Variants in SMCO4 observed in about 807,000 individuals in gnomAD.
SMCO4 encodes single-pass membrane protein with coiled-coil domains 4.
A neutral mutation model predicts 3.6 loss-of-function variants in SMCO4; 4 were observed. That is an observed-to-expected ratio of 1.11 (90% CI 0.54 to 2.53). SMCO4 has a LOEUF of 2.53. Among genes scored for constraint, SMCO4 ranks in the 30% most tolerant of loss-of-function variants. SMCO4 has a pLI of 0.02. For missense variants in SMCO4, 70 were observed against 80.8 expected, an observed-to-expected ratio of 0.87 and a Z score of 0.51; for synonymous variants, 36 against 35.3, an observed-to-expected ratio of 1.02 and a Z score of -0.07.
intron 1 of SMCO4, among the ~76,000 whole-genome samples, chr11:93,531,191 T>C (rs1024970634): frequency 1.3e-5 from 2 of 152,236 alleles, no homozygotes; most frequent in African/African-American, 4.8e-5. Flanking sequence ...AATGAAGATC[T>C]GAACAGAACA....
chr11:93,541,197 A>G (rs1453042977), intron 1 of SMCO4, among the ~76,000 whole-genome samples: 1 of 152,208 alleles, frequency 6.6e-6, no homozygotes, highest in Non-Finnish European at 1.5e-5. Flanking sequence ...CAGCACCCAA[A>G]ATGTCAAGGC....
At chr11:93,505,051 G>A (rs144219659) in intron 1 of SMCO4, among the ~76,000 whole-genome samples, 75 of 152,320 alleles carry the variant, frequency 4.9e-4, no homozygotes, top group African/African-American at 1.7e-3. Flanking sequence ...GGCACTAAGA[G>A]AAAGTTGTCT....
At position 93,478,713 on chromosome 11, in the gene SMCO4, GCACACACACACACACA is replaced by G. The variant is rs58177836; in HGVS notation, c.*281_*296del. The G allele has an allele frequency of 4.3e-4, 98 of 226,104 alleles. 1 individual carries two copies. Among genetic ancestry groups the G allele is most frequent in the African/African-American group, 2.0e-3 (83 of 41,776 alleles). The allele number at this position is 226,104 out of a possible 1,614,324, so 14.0% of individuals were successfully genotyped here. ...ATCGATTTTTAGGAGAGAAAAAGAAGCACACACACACACACACACACACACACACACACACACACAT... is the reference window on the plus strand; with the variant it reads ...ATCGATTTTTAGGAGAGAAAAAGAAGCACACACACACACACACACACACAT... On this transcript the variant is annotated 3_prime_UTR_variant, in exon 3 of 3. Transcript: ENST00000298966.
chr11:93,498,277 A>G (rs1395201263), intron 2 of SMCO4, among the ~76,000 whole-genome samples: 1 of 152,236 alleles, frequency 6.6e-6, no homozygotes, highest in Non-Finnish European at 1.5e-5. Flanking sequence ...CAGTTACAGT[A>G]AACAGTTTGA....
the SMCO4 span, among the ~76,000 whole-genome samples, chr11:93,549,037 GT>G: frequency 6.6e-6 from 1 of 152,176 alleles, no homozygotes; most frequent in African/African-American, 2.4e-5. Context: ...GAAAGTTGGG[GT>G]TTTTCCGTTT....
intron 1 of SMCO4, among the ~76,000 whole-genome samples, chr11:93,536,993 G>C (rs1157360319): frequency 1.3e-5 from 2 of 152,232 alleles, no homozygotes; most frequent in Non-Finnish European, 2.9e-5. Flanking sequence ...TGGGATGCAA[G>C]GAAAACATCT....
At chr11:93,500,142 C>T (rs561106542) in intron 1 of SMCO4, among the ~76,000 whole-genome samples, 2 of 152,126 alleles carry the variant, frequency 1.3e-5, no homozygotes, top group African/African-American at 4.8e-5. Context: ...CTTGGTTTAC[C>T]GTGCTTTTTG....
At chr11:93,509,152 A>T (rs1948935412) in intron 1 of SMCO4, among the ~76,000 whole-genome samples, 1 of 152,068 alleles carries the variant, frequency 6.6e-6, no homozygotes, top group Non-Finnish European at 1.5e-5. Flanking sequence ...TTAGCTGGGC[A>T]TGGTTGCATA....
chr11:93,545,027 T>C (rs1026000361), upstream of SMCO4, among the ~76,000 whole-genome samples: 20 of 152,276 alleles, frequency 1.3e-4, no homozygotes, highest in Admixed American at 1.3e-3. Flanking sequence ...ATTGGGAGCA[T>C]ATGGGATGCA....
intron 2 of SMCO4, among the ~76,000 whole-genome samples, chr11:93,489,719 G>A (rs1013336320): frequency 6.6e-6 from 1 of 152,184 alleles, no homozygotes; most frequent in Non-Finnish European, 1.5e-5. Context: ...AAATCTGACC[G>A]TTGTTCAAAG....
At chr11:93,538,755 G>A (rs1949248942) in intron 1 of SMCO4, among the ~76,000 whole-genome samples, 1 of 152,170 alleles carries the variant, frequency 6.6e-6, no homozygotes, top group African/African-American at 2.4e-5. Flanking sequence ...TAAGCTCTAT[G>A]GATTCCAACA....
intron 1 of SMCO4, among the ~76,000 whole-genome samples, chr11:93,534,371 T>G (rs372076734): frequency 0.14 from 17,579 of 125,826 alleles, 1,214 homozygotes; most frequent in Middle Eastern, 0.19. Flanking sequence ...TATATATATA[T>G]ATATAGAGAG....
intron 1 of SMCO4, among the ~76,000 whole-genome samples, chr11:93,534,317 T>C (rs1486193714): frequency 6.8e-6 from 1 of 148,090 alleles, no homozygotes; most frequent in South Asian, 2.1e-4. Flanking sequence ...TATATACACA[T>C]ATATACACAT....
intron 2 of SMCO4, among the ~76,000 whole-genome samples, chr11:93,493,009 C>A (rs777251539): frequency 3.3e-5 from 5 of 152,138 alleles, no homozygotes; most frequent in Non-Finnish European, 7.4e-5. Flanking sequence ...AAGGGAATGA[C>A]CCCATCAGAA....
At chr11:93,550,503 T>A in the SMCO4 span, among the ~76,000 whole-genome samples, 12 of 152,014 alleles carry the variant, frequency 7.9e-5, no homozygotes, top group African/African-American at 2.7e-4. Context: ...CTACAAAAAA[T>A]TTTAAAAAAT....
At chr11:93,500,590 G>T (rs1457911954) in intron 1 of SMCO4, among the ~76,000 whole-genome samples, 1 of 152,194 alleles carries the variant, frequency 6.6e-6, no homozygotes, top group Non-Finnish European at 1.5e-5. Flanking sequence ...CGCAGAACTG[G>T]AAAGGGGAAG....
intron 2 of SMCO4, among the ~76,000 whole-genome samples, chr11:93,490,279 C>G (rs751033528): frequency 2.0e-5 from 3 of 152,208 alleles, no homozygotes; most frequent in Non-Finnish European, 2.9e-5. Flanking sequence ...TGAAACACAG[C>G]TACTATGTCT....
chr11:93,517,435 T>C (rs555790142), intron 1 of SMCO4, among the ~76,000 whole-genome samples: 61 of 152,334 alleles, frequency 4.0e-4, no homozygotes, highest in African/African-American at 1.4e-3. Context: ...CAGCTCCCAA[T>C]AGCATCACTG....
upstream of SMCO4, chr11:93,543,534 G>C (rs1052044797): frequency 6.5e-6 from 1 of 152,798 alleles, no homozygotes; most frequent in Admixed American, 6.5e-5. Flanking sequence ...TGTCGCTTCC[G>C]AGCGACCTGG....
Sources: allele counts gnomAD v4.1 joint callset (sites outside exome capture counted in the v4.1 genomes callset), GRCh38; gene constraint gnomAD v4.1.1; transcripts MANE v1.5; gene names NCBI Gene and HGNC (gene_info 2026-07-23, HGNC 2026-07-21).